MAP7: variants seen among roughly 807,000 people sequenced by gnomAD.
MAP7 encodes the protein ensconsin.
In MAP7, 52 loss-of-function variants were observed where a neutral mutation model predicts 94.8. That is an observed-to-expected ratio of 0.55 (90% CI 0.44 to 0.69). The LOEUF (loss-of-function observed/expected upper bound fraction) is 0.69. Ranked by LOEUF, MAP7 falls within the 30% of genes least tolerant of loss-of-function variation. The pLI is 0.00. For missense variants in MAP7, 940 were observed against 964.6 expected, an observed-to-expected ratio of 0.97 and a Z score of 0.34; for synonymous variants, 350 against 357.0, an observed-to-expected ratio of 0.98 and a Z score of 0.22.
At chr6:136,536,394 C>G (rs967210895) in intron 1 of MAP7, among the ~76,000 whole-genome samples, 1 of 152,090 alleles carries the variant, frequency 6.6e-6, no homozygotes, top group Non-Finnish European at 1.5e-5. Context: ...TCTCTAAACC[C>G]TTTCACTTTT....
At chr6:136,466,760 C>G in intron 1 of MAP7, 1 of 1,534,302 alleles carries the variant, frequency 6.5e-7, no homozygotes, top group Non-Finnish European at 8.7e-7. Flanking sequence ...CAAGAACTTA[C>G]AGTACAGTTT....
chr6:136,362,372 C>G (rs952845034), intron 11 of MAP7, 78 bp downstream of exon 11: 12 of 1,543,396 alleles, frequency 7.8e-6, no homozygotes, highest in African/African-American at 1.4e-5. Context: ...GTATTATCAC[C>G]TCCTCCCTCT....
At chr6:136,483,823 T>C (rs1161230173) in intron 1 of MAP7, among the ~76,000 whole-genome samples, 2 of 152,244 alleles carry the variant, frequency 1.3e-5, no homozygotes, top group East Asian at 3.8e-4. Context: ...GGAAAATGGA[T>C]TCTTTTACAT....
At chr6:136,377,519 G>A (rs1381675035) in intron 7 of MAP7, among the ~76,000 whole-genome samples, 3 of 152,214 alleles carry the variant, frequency 2.0e-5, no homozygotes, top group Non-Finnish European at 2.9e-5. Context: ...AGCCTCTGAA[G>A]CCATCGGAGC....
At position 136,498,933 on chromosome 6, in the gene MAP7, T is replaced by C. The variant is rs376688847; in HGVS notation, c.67+51409A>G. On this transcript the variant is annotated intron_variant, in intron 1 of 17. Coordinates refer to ENST00000354570, the MANE Select transcript of MAP7 (RefSeq NM_003980.6). The stretch of plus-strand genomic sequence containing the variant: ...AGATTTTTTGGGTTTTGTTGAGACA[T>C]AGTTTCACTCTGTCACCCAGACTGG... Among the ~76,000 whole-genome samples, 59 of 149,574 alleles carry C rather than the reference T, an allele frequency of 3.9e-4. 1 individual carries two copies. The highest frequency in any genetic ancestry group is 1.3e-3 in the African/African-American group (52 of 39,206).
intron 3 of MAP7, among the ~76,000 whole-genome samples, chr6:136,395,871 C>G (rs1030074360): frequency 9.9e-5 from 15 of 152,092 alleles, no homozygotes; most frequent in African/African-American, 3.6e-4. Flanking sequence ...GCTGTAAATA[C>G]ATGCATTTAT....
intron 1 of MAP7, chr6:136,466,785 T>TA: frequency 6.5e-7 from 1 of 1,535,384 alleles, no homozygotes; most frequent in Non-Finnish European, 8.7e-7. Context: ...TCTTCCATGC[T>TA]AAAATCCTTC....
intron 15 of MAP7, among the ~76,000 whole-genome samples, chr6:136,357,271 CGAATGGAAAGCAG>C (rs1791277591): frequency 6.6e-6 from 1 of 152,148 alleles, no homozygotes; most frequent in Non-Finnish European, 1.5e-5. Context: ...GAGGATTTCA[CGAATGGAAAGCAG>C]TGTACTGTAC....
At chr6:136,519,855 C>T (rs1306664457) in intron 1 of MAP7, among the ~76,000 whole-genome samples, 4 of 152,100 alleles carry the variant, frequency 2.6e-5, no homozygotes, top group African/African-American at 9.7e-5. Flanking sequence ...CACCTTGTAA[C>T]TATATACCTT....
At chr6:136,497,475 A>G (rs922160824) in intron 1 of MAP7, among the ~76,000 whole-genome samples, 6 of 151,650 alleles carry the variant, frequency 4.0e-5, no homozygotes, top group Non-Finnish European at 8.8e-5. Flanking sequence ...CTTATGTAAA[A>G]TGCATATTCC....
chr6:136,518,958 A>C (rs1825643031), intron 1 of MAP7, among the ~76,000 whole-genome samples: 1 of 152,222 alleles, frequency 6.6e-6, no homozygotes, highest in African/African-American at 2.4e-5. Flanking sequence ...TTTATATAGC[A>C]AGCAAATTAC....
At chr6:136,486,044 C>T (rs1814638700) in intron 1 of MAP7, among the ~76,000 whole-genome samples, 2 of 152,156 alleles carry the variant, frequency 1.3e-5, no homozygotes, top group South Asian at 4.1e-4. Context: ...CCATCACAGC[C>T]TGCTTGCTGC....
intron 1 of MAP7, among the ~76,000 whole-genome samples, chr6:136,529,273 C>A (rs1374480219): frequency 7.7e-6 from 1 of 129,622 alleles, no homozygotes; most frequent in Non-Finnish European, 1.5e-5. Context: ...TGCCACCACA[C>A]CCAGCTAATT....
intron 1 of MAP7, among the ~76,000 whole-genome samples, chr6:136,437,457 C>T (rs1582909280): frequency 1.3e-5 from 2 of 152,144 alleles, no homozygotes; most frequent in African/African-American, 2.4e-5. Flanking sequence ...CAGCTAACAC[C>T]GGTTCCATCA....
intron 2 of MAP7, among the ~76,000 whole-genome samples, chr6:136,413,103 A>G (rs1477811296): frequency 1.3e-5 from 2 of 152,190 alleles, no homozygotes; most frequent in African/African-American, 4.8e-5. Flanking sequence ...CAGAAGATGC[A>G]GGGAGCCAAG....
Position 136,343,987 on chromosome 6 carries a change from C to T in MAP7, c.*241G>A, listed in dbSNP as rs1267058740. On this transcript the variant is annotated 3_prime_UTR_variant, in exon 18 of 18. Transcript: ENST00000354570. The stretch of plus-strand genomic sequence containing the variant: ...ATATTGATTGCTAAGAAGGAGCACA[C>T]TGGAAAAAGCCATTTTAAAGTATTG... The T allele has an allele frequency of 3.5e-6, 1 of 283,140 alleles. No homozygotes were observed. The highest frequency in any genetic ancestry group is 2.2e-5 in the African/African-American group (1 of 46,200). The allele number at this position is 283,140 out of a possible 1,614,324, so 17.5% of individuals were successfully genotyped here. A position where few individuals can be genotyped will look rare whatever the true frequency, so the allele number is the denominator to read the frequency against.
At chr6:136,503,626 A>G (rs1436535389) in intron 1 of MAP7, among the ~76,000 whole-genome samples, 3 of 152,236 alleles carry the variant, frequency 2.0e-5, no homozygotes, top group African/African-American at 7.2e-5. Context: ...AAAACCACCT[A>G]AACAGTGCTG....
intron 1 of MAP7, among the ~76,000 whole-genome samples, chr6:136,474,418 G>C (rs929724824): frequency 6.6e-6 from 1 of 152,132 alleles, no homozygotes; most frequent in Non-Finnish European, 1.5e-5. Context: ...TCTGAGGAGA[G>C]AGCAGATGAC....
intron 1 of MAP7, among the ~76,000 whole-genome samples, chr6:136,436,465 G>A (rs1266213226): frequency 3.3e-5 from 5 of 151,360 alleles, no homozygotes; most frequent in Non-Finnish European, 5.9e-5. Flanking sequence ...CTGCAGCCTC[G>A]AACTCCTGGG....
Sources: allele counts gnomAD v4.1 joint callset (sites outside exome capture counted in the v4.1 genomes callset), GRCh38; gene constraint gnomAD v4.1.1; transcripts MANE v1.5; gene names NCBI Gene and HGNC (gene_info 2026-07-23, HGNC 2026-07-21).